Variants in EBF2 observed in about 807,000 individuals in gnomAD.
EBF2 encodes the protein transcription factor COE2.
A neutral mutation model predicts 72.8 loss-of-function variants in EBF2; 21 were observed. The observed-to-expected ratio is 0.29, with a 90% CI of 0.20 to 0.42. EBF2 has a LOEUF of 0.42. EBF2 is among the 10% of genes least tolerant of loss of function. EBF2 has a pLI of 1.00. For missense variants in EBF2, 637 were observed against 731.2 expected, an observed-to-expected ratio of 0.87 and a Z score of 1.49; for synonymous variants, 299 against 274.2, an observed-to-expected ratio of 1.09 and a Z score of -0.89.
chr8:25,929,908 A>T (rs1260693450), intron 6 of EBF2, among the ~76,000 whole-genome samples: 2 of 152,148 alleles, frequency 1.3e-5, no homozygotes, highest in Non-Finnish European at 2.9e-5. Context: ...TAAGGGGGAG[A>T]CCTGGGGAAG....
intron 15 of EBF2, among the ~76,000 whole-genome samples, chr8:25,848,877 C>A (rs949065695): frequency 6.6e-6 from 1 of 152,052 alleles, no homozygotes; most frequent in Non-Finnish European, 1.5e-5. Flanking sequence ...AACCAGAGAA[C>A]TTAAAAAGAG....
intron 6 of EBF2, among the ~76,000 whole-genome samples, chr8:25,934,282 T>C (rs1197496949): frequency 3.3e-5 from 5 of 151,432 alleles, no homozygotes; most frequent in Non-Finnish European, 7.4e-5. Flanking sequence ...CACACCAATC[T>C]TGTTTTTGAT....
chr8:25,950,593 A>G lies in EBF2; in HGVS notation c.552-42038T>C, dbSNP rs183573734. Among the ~76,000 whole-genome samples the G allele has an allele frequency of 2.0e-5, 3 of 152,364 alleles. No individual in the cohort carries two copies. In the East Asian group the frequency reaches 5.8e-4, roughly 29 times the overall value. ...TTGCTGCACCTAAGTGTGGTTGCAC[A>G]GGACTAAGATTTACTGGAGCCTGAC... On this transcript the variant is annotated intron_variant, in intron 6 of 15. Coordinates refer to ENST00000520164, the MANE Select transcript of EBF2 (RefSeq NM_022659.4).
chr8:25,961,503 C>A (rs999405650), intron 6 of EBF2, among the ~76,000 whole-genome samples: 75 of 152,254 alleles, frequency 4.9e-4, no homozygotes, highest in African/African-American at 1.7e-3. Flanking sequence ...GGTGGGACTA[C>A]AGGCACCCGC....
intron 6 of EBF2, among the ~76,000 whole-genome samples, chr8:25,992,250 C>G (rs570016523): frequency 7.5e-6 from 1 of 132,666 alleles, no homozygotes; most frequent in African/African-American, 2.8e-5. Context: ...AGAAGAATTG[C>G]TTGAATCTGG....
At chr8:25,878,129 C>T (rs1327164262) in intron 10 of EBF2, among the ~76,000 whole-genome samples, 1 of 152,218 alleles carries the variant, frequency 6.6e-6, no homozygotes, top group East Asian at 1.9e-4. Context: ...GTGCTTCCGG[C>T]TGGTCCTCCT....
intron 6 of EBF2, among the ~76,000 whole-genome samples, chr8:25,998,020 T>C (rs1355657797): frequency 2.0e-5 from 3 of 152,204 alleles, no homozygotes. Flanking sequence ...CTAGAGACTT[T>C]TAACTTATCC....
chr8:26,044,888 TTAAAAG>T lies in EBF2; in HGVS notation c.-35_-30del, dbSNP rs765243247. On this transcript the variant is annotated 5_prime_UTR_variant, in exon 1 of 16. Transcript: ENST00000520164. The surrounding 1 kb of genome is among the most constrained non-coding windows in gnomAD (Gnocchi z 4.1). ...AAAAGTCTGATCCTCTACTGTCGCTTTAAAAGTAAGAGTTACAACACAGTCCTGACT... is the reference window on the plus strand; with the variant it reads ...AAAAGTCTGATCCTCTACTGTCGCTTTAAGAGTTACAACACAGTCCTGACT... 4 of 1,611,628 alleles carry T rather than the reference TTAAAAG, an allele frequency of 2.5e-6. No homozygotes were observed. The highest frequency in any genetic ancestry group is 3.3e-5 in the Admixed American group (2 of 59,930).
At position 25,886,751 on chromosome 8, in the gene EBF2, C is replaced by T; in HGVS notation, c.1009+4G>A. 5 of 1,607,518 alleles carry T rather than the reference C, an allele frequency of 3.1e-6. No homozygotes were observed. The South Asian group carries it at 4.5e-5, about 14-fold the overall frequency. ...GCCTCTCTTGGAATCGTTTTCTCAC[C>T]TACCTGTGTAAATGAACCTTCCTGG... On this transcript the variant is annotated splice_donor_region_variant and intron_variant, in intron 10 of 15. Coordinates refer to ENST00000520164, the MANE Select transcript of EBF2 (RefSeq NM_022659.4).
At chr8:25,991,846 CA>C (rs531629410) in intron 6 of EBF2, among the ~76,000 whole-genome samples, 1 of 151,512 alleles carries the variant, frequency 6.6e-6, no homozygotes, top group Non-Finnish European at 1.5e-5. Flanking sequence ...GACTCTGTCT[CA>C]AAAAAATAAG....
At chr8:25,912,584 A>G (rs1489300271) in intron 6 of EBF2, among the ~76,000 whole-genome samples, 1 of 152,044 alleles carries the variant, frequency 6.6e-6, no homozygotes, top group Non-Finnish European at 1.5e-5. Flanking sequence ...TGAAATCAGT[A>G]GTCAAAGATA....
intron 6 of EBF2, among the ~76,000 whole-genome samples, chr8:25,940,412 C>A (rs1199421400): frequency 6.6e-6 from 1 of 152,102 alleles, no homozygotes; most frequent in Non-Finnish European, 1.5e-5. Flanking sequence ...GAACTCAGGG[C>A]AGACCCCATG....
intron 4 of EBF2, 97 bp downstream of exon 4, chr8:26,040,519 G>T: frequency 8.4e-7 from 1 of 1,188,064 alleles, no homozygotes; most frequent in Non-Finnish European, 1.2e-6. Context: ...GTCTGACCCA[G>T]GAAATCGTGG....
chr8:25,858,687 T>C (rs1321990339), intron 13 of EBF2, among the ~76,000 whole-genome samples, 183 bp from the exon 14 acceptor site: 1 of 131,888 alleles, frequency 7.6e-6, no homozygotes, highest in Non-Finnish European at 1.5e-5. Context: ...TGAGATAGAG[T>C]CTTACTCTGT....
At chr8:26,014,504 C>T (rs1805076991) in intron 6 of EBF2, among the ~76,000 whole-genome samples, 1 of 152,104 alleles carries the variant, frequency 6.6e-6, no homozygotes, top group Non-Finnish European at 1.5e-5. Context: ...CCTTTTCTTT[C>T]CTCCTTTGCA....
At chr8:26,042,524 C>G (rs1805622552) in intron 1 of EBF2, among the ~76,000 whole-genome samples, 1 of 152,138 alleles carries the variant, frequency 6.6e-6, no homozygotes, top group Non-Finnish European at 1.5e-5. Context: ...CTCACCATCC[C>G]GTCTTTAGTC....
Position 25,854,253 on chromosome 8 carries a change from A to AT in EBF2, c.1529-3493_1529-3492insA, listed in dbSNP as rs55739831. ...CCCCCACCTCCAAAAAAAAAAAAAA[A>AT]GCAAGAGATGAATAAATCCTCACAT... On this transcript the variant is annotated intron_variant, in intron 14 of 15. Transcript: ENST00000520164. 2.5e-3 allele frequency among the ~76,000 whole-genome samples: 370 copies of AT among 150,744 alleles called. 1 individual carries two copies. The highest frequency in any genetic ancestry group is 2.4e-3 in the Non-Finnish European group (161 of 67,680).
At chr8:25,866,532 T>C (rs1237689371) in intron 10 of EBF2, among the ~76,000 whole-genome samples, 1 of 143,364 alleles carries the variant, frequency 7.0e-6, no homozygotes, top group Non-Finnish European at 1.5e-5. Flanking sequence ...TAAAAATATA[T>C]AATATATATT....
chr8:26,038,206 T>TATCCATCCAATGG (rs1344797720), intron 5 of EBF2, among the ~76,000 whole-genome samples: 1 of 152,240 alleles, frequency 6.6e-6, no homozygotes, highest in African/African-American at 2.4e-5. Context: ...CTGCAGACAG[T>TATCCATCCAATGG]ATCCATCCAA....
Sources: gnomAD v4.1 joint callset for allele counts (sites outside exome capture counted in the v4.1 genomes callset) on GRCh38, gnomAD v4.1.1 for gene constraint, Gnocchi (gnomAD v3.1) non-coding constraint, MANE v1.5 for transcripts, NCBI Gene and HGNC (gene_info 2026-07-23, HGNC 2026-07-21) for gene names.